Variants in THSD4 observed in about 807,000 individuals in gnomAD.
THSD4 encodes thrombospondin type-1 domain-containing protein 4.
THSD4 carries 69 observed loss-of-function variants against 119.0 expected under a neutral mutation model. The observed-to-expected ratio is 0.58, with a 90% CI of 0.48 to 0.71. THSD4 has a LOEUF of 0.71. THSD4 is among the 30% of genes least tolerant of loss of function. The pLI, the probability that THSD4 is intolerant of heterozygous loss-of-function variation, is 0.00. For missense variants in THSD4, 1,393 were observed against 1,391.1 expected (o/e 1.00, Z -0.02); for synonymous variants, 524 against 540.4 (o/e 0.97, Z 0.42).
chr15:71,155,674 G>A (rs916470268), intron 3 of THSD4, among the ~76,000 whole-genome samples: 3 of 152,102 alleles, frequency 2.0e-5, no homozygotes, highest in Admixed American at 2.0e-4. Flanking sequence ...CCTCTCTTGG[G>A]GCACCTTCAA....
intron 8 of THSD4, among the ~76,000 whole-genome samples, chr15:71,665,196 G>A (rs1394125027): frequency 1.3e-5 from 2 of 152,174 alleles, no homozygotes; most frequent in Non-Finnish European, 2.9e-5. Context: ...TCTGACTGGT[G>A]TAAGATGGTA....
intron 1 of THSD4, among the ~76,000 whole-genome samples, chr15:71,128,359 T>G (rs1335197755): frequency 8.6e-5 from 13 of 151,972 alleles, no homozygotes; most frequent in Admixed American, 8.5e-4. Context: ...AAATCCAATC[T>G]CTACTAAAAA....
At chr15:71,438,309 T>C (rs867942776) in intron 7 of THSD4, among the ~76,000 whole-genome samples, 1 of 134,498 alleles carries the variant, frequency 7.4e-6, no homozygotes, top group Admixed American at 7.7e-5. Context: ...TTTTAACTTA[T>C]GCCTTTGCTT....
chr15:71,702,985 CTT>C (rs549195427), intron 8 of THSD4, among the ~76,000 whole-genome samples: 11 of 144,678 alleles, frequency 7.6e-5, no homozygotes, highest in Non-Finnish European at 7.6e-5. Context: ...GACCCCTGCT[CTT>C]TTTTTTTTTT....
At chr15:71,476,199 C>T (rs551576419) in intron 7 of THSD4, among the ~76,000 whole-genome samples, 1 of 152,190 alleles carries the variant, frequency 6.6e-6, no homozygotes, top group Non-Finnish European at 1.5e-5. Context: ...GCCCCATCTC[C>T]TATCTATTCC....
chr15:71,714,345 G>A (rs974952529), intron 8 of THSD4, among the ~76,000 whole-genome samples: 3 of 152,158 alleles, frequency 2.0e-5, no homozygotes, highest in African/African-American at 7.2e-5. Flanking sequence ...CACATAGTAG[G>A]TGCTAAACTA....
In THSD4 at chr15:71,532,746, TTC is replaced by T. The variant is rs372112780; in HGVS notation, c.1152+120925_1152+120926del. On this transcript the variant is annotated intron_variant, in intron 7 of 17. Transcript: ENST00000261862. ...CTTAAAACATGCAAAGCCATTTTCTTTCTTTCTTTTTTCAGAAAGTAATAATC... is the reference window on the plus strand; with the variant it reads ...CTTAAAACATGCAAAGCCATTTTCTTTTTCTTTTTTCAGAAAGTAATAATC... Among the ~76,000 whole-genome samples the T allele has an allele frequency of 3.0e-3, 452 of 152,382 alleles. 1 individual carries two copies. The highest frequency in any genetic ancestry group is 9.9e-3 in the African/African-American group (412 of 41,590).
At chr15:71,394,872 T>TC (rs1322368513) in intron 6 of THSD4, among the ~76,000 whole-genome samples, 8 of 152,216 alleles carry the variant, frequency 5.3e-5, no homozygotes, top group Non-Finnish European at 1.0e-4. Flanking sequence ...CTCTGACATC[T>TC]CCACCCGCTT....
At chr15:71,588,714 G>C (rs565570335) in intron 7 of THSD4, among the ~76,000 whole-genome samples, 225 of 152,280 alleles carry the variant, frequency 1.5e-3, no homozygotes, top group African/African-American at 4.9e-3. Flanking sequence ...GATTATAGGC[G>C]TGAGCCACCA....
At chr15:71,762,145 G>A (rs1198955467) in intron 15 of THSD4, among the ~76,000 whole-genome samples, 15 of 125,064 alleles carry the variant, frequency 1.2e-4, no homozygotes. Flanking sequence ...TCATGCGCGT[G>A]TGCAAACACA....
chr15:71,215,044 C>T lies in THSD4; in HGVS notation c.109C>T (p.Arg37Trp). Residue 37 changes from arginine (R) to tryptophan (W), a missense_variant, in exon 4 of 18, where the codon CGG becomes TGG. Arg to Trp is a moderately radical substitution (Grantham distance 101). Transcript: ENST00000261862. ...PSTQHRKVPQ[R>W]MAAEGAPEDD... Reference sequence around the variant, plus strand: ...GCCTCTGTCTCCGCAGGTCCCGCAGCGGATGGCGGCGGAGGGCGCCCCCGA... The same window carrying T: ...GCCTCTGTCTCCGCAGGTCCCGCAGTGGATGGCGGCGGAGGGCGCCCCCGA... The T allele has an allele frequency of 1.6e-6, 2 of 1,288,038 alleles. No individual in the cohort carries two copies. Among genetic ancestry groups the T allele is most frequent in the Admixed American group, 4.2e-5 (1 of 23,600 alleles). The allele number at this position is 1,288,038 out of a possible 1,614,324, so 79.8% of individuals were successfully genotyped here.
At chr15:71,131,928 G>T (rs1426228037) in intron 1 of THSD4, among the ~76,000 whole-genome samples, 1 of 152,216 alleles carries the variant, frequency 6.6e-6, no homozygotes, top group Non-Finnish European at 1.5e-5. Context: ...GTCCCCAGAT[G>T]CCTGCATGAC....
intron 6 of THSD4, among the ~76,000 whole-genome samples, chr15:71,315,715 A>C (rs1029238812): frequency 6.6e-6 from 1 of 152,228 alleles, no homozygotes; most frequent in African/African-American, 2.4e-5. Context: ...ACACTATTTT[A>C]AACTTCAAGG....
intron 10 of THSD4, among the ~76,000 whole-genome samples, chr15:71,734,401 G>T (rs2053041260): frequency 6.6e-6 from 1 of 152,192 alleles, no homozygotes; most frequent in African/African-American, 2.4e-5. Context: ...ACTCTGAAAA[G>T]ACTACCTATT....
chr15:71,582,400 C>G (rs1490688051), intron 7 of THSD4, among the ~76,000 whole-genome samples: 3 of 152,014 alleles, frequency 2.0e-5, no homozygotes, highest in Non-Finnish European at 4.4e-5. Context: ...CTAGGATTTT[C>G]TATGTATAAG....
intron 8 of THSD4, among the ~76,000 whole-genome samples, chr15:71,726,766 C>T (rs530159035): frequency 9.2e-5 from 14 of 152,060 alleles, no homozygotes; most frequent in East Asian, 1.9e-4. Flanking sequence ...GGTGAAACCC[C>T]GTCTCTACTA....
intron 7 of THSD4, among the ~76,000 whole-genome samples, chr15:71,542,037 A>G (rs1459475571): frequency 6.6e-6 from 1 of 152,244 alleles, no homozygotes; most frequent in Non-Finnish European, 1.5e-5. Flanking sequence ...AAAGATTTTA[A>G]GGAGCAGAGG....
At chr15:71,610,987 G>T (rs543775269) in intron 7 of THSD4, among the ~76,000 whole-genome samples, 3 of 152,194 alleles carry the variant, frequency 2.0e-5, no homozygotes, top group African/African-American at 4.8e-5. Context: ...AAGGACTGGG[G>T]TATGGAAAAG....
At chr15:71,727,587 T>TATACACACACACAC (rs2052882975) in intron 8 of THSD4, among the ~76,000 whole-genome samples, 1 of 9,278 alleles carries the variant, frequency 1.1e-4, no homozygotes, top group African/African-American at 2.5e-4. Flanking sequence ...TATATATATA[T>TATACACACACACAC]ACACACACAC....
Sources: gnomAD v4.1 joint callset for allele counts (sites outside exome capture counted in the v4.1 genomes callset) on GRCh38, gnomAD v4.1.1 for gene constraint, MANE v1.5 for transcripts, NCBI Gene and HGNC (gene_info 2026-07-23, HGNC 2026-07-21) for gene names.